The following UGT2B7 variants were observed in gnomAD, a reference collection of about 807,000 sequenced individuals.
UGT2B7 encodes the protein UDP glucuronosyltransferase family 2 member B7.
A neutral mutation model predicts 51.9 loss-of-function variants in UGT2B7; 51 were observed. The ratio of observed to expected loss-of-function variants is 0.98; its 90% CI spans 0.78 to 1.24. The LOEUF (loss-of-function observed/expected upper bound fraction) is 1.24, where lower values mean the gene tolerates loss of function less well. Among genes scored for constraint, UGT2B7 ranks in the 50% most tolerant of loss-of-function variants. UGT2B7 has a pLI of 0.00. For missense variants in UGT2B7, 727 were observed against 628.4 expected (o/e 1.16, Z -1.68); for synonymous variants, 225 against 211.6 (o/e 1.06, Z -0.55).
chr4:69,100,652 G>A (rs1719390132), intron 2 of UGT2B7, among the ~76,000 whole-genome samples: 1 of 151,996 alleles, frequency 6.6e-6, no homozygotes, highest in African/African-American at 2.4e-5. Context: ...GTCAGTAGGA[G>A]GGGGAAGAGA....
chr4:69,064,847 CAA>C (rs1718453857), intron 1 of UGT2B7, among the ~76,000 whole-genome samples: 1 of 152,092 alleles, frequency 6.6e-6, no homozygotes, highest in African/African-American at 2.4e-5. Context: ...TAAAACAGCA[CAA>C]AGAGTGTTGC....
At chr4:69,055,113 A>G (rs1302011197) in intron 1 of UGT2B7, among the ~76,000 whole-genome samples, 21 of 149,290 alleles carry the variant, frequency 1.4e-4, no homozygotes, top group Admixed American at 2.7e-4. Context: ...AAAAAAAAAA[A>G]AAAAAAAAAA....
intron 1 of UGT2B7, among the ~76,000 whole-genome samples, chr4:69,055,334 C>A (rs1718160603): frequency 6.7e-6 from 1 of 149,936 alleles, no homozygotes. Context: ...AAAAAGGATC[C>A]TGTTTGACTC....
At chr4:69,059,572 C>T (rs1718297230) in intron 1 of UGT2B7, among the ~76,000 whole-genome samples, 1 of 152,132 alleles carries the variant, frequency 6.6e-6, no homozygotes, top group Admixed American at 6.5e-5. Flanking sequence ...TACTAAAATT[C>T]CCAGAGTTTG....
At chr4:69,069,836 T>C (rs1718562992) in intron 1 of UGT2B7, 1 of 152,160 alleles carries the variant, frequency 6.6e-6, no homozygotes. Flanking sequence ...TGTCATAATA[T>C]GTTGCTTGAT....
intron 3 of UGT2B7, among the ~76,000 whole-genome samples, chr4:69,103,211 C>G (rs1719483505): frequency 6.6e-6 from 1 of 151,720 alleles, no homozygotes; most frequent in African/African-American, 2.4e-5. Context: ...GACTTCTCAC[C>G]TCCTGTCCAT....
chr4:69,059,813 G>T (rs1159362915), intron 1 of UGT2B7, among the ~76,000 whole-genome samples: 1 of 152,202 alleles, frequency 6.6e-6, no homozygotes, highest in Non-Finnish European at 1.5e-5. Context: ...TACAGAATTT[G>T]TGTGTGGAAA....
intron 1 of UGT2B7, among the ~76,000 whole-genome samples, chr4:69,068,807 G>A (rs1718537791): frequency 1.3e-5 from 2 of 151,816 alleles, no homozygotes; most frequent in Non-Finnish European, 1.5e-5. Flanking sequence ...CTTGGTAAGC[G>A]AGATACTTAT....
chr4:69,097,096 C>T lies in UGT2B7; in HGVS notation c.576C>T (p.Ser192=). Residue 192 remains serine, a synonymous_variant, in exon 1 of 6, where the codon TCC becomes TCT. Coordinates refer to ENST00000305231, the MANE Select transcript of UGT2B7 (RefSeq NM_001074.4). ...KHSGGFIFPP[S]YVPVVMSELT... The stretch of plus-strand genomic sequence containing the variant: ...GTGGAGGATTTATTTTCCCTCCTTC[C>T]TACGTACCTGTTGTTATGTCAGAAT... 1 of 1,613,736 alleles carries T rather than the reference C, an allele frequency of 6.2e-7. No individual in the cohort carries two copies. The highest frequency in any genetic ancestry group is 2.2e-5 in the East Asian group (1 of 44,850).
At chr4:69,084,412 C>A (rs1235352163) in intron 1 of UGT2B7, among the ~76,000 whole-genome samples, 4 of 128,850 alleles carry the variant, frequency 3.1e-5, no homozygotes, top group Admixed American at 2.6e-4. Context: ...GCATTTACTT[C>A]TCTTTAATGT....
upstream of UGT2B7, among the ~76,000 whole-genome samples, chr4:69,095,867 A>G (rs1442566034): frequency 1.3e-5 from 2 of 152,210 alleles, no homozygotes; most frequent in Non-Finnish European, 1.5e-5. Flanking sequence ...GTATGATTCT[A>G]TGCATTAAAA....
In UGT2B7 at chr4:69,073,026, G is replaced by A. The variant is rs116632077; in HGVS notation, c.-158-16446G>A. Among the ~76,000 whole-genome samples, 989 of 152,140 alleles carry A rather than the reference G, an allele frequency of 6.5e-3. 2 individuals are homozygous for A. The highest frequency in any genetic ancestry group is 0.012 in the Admixed American group (181 of 15,258). Reference sequence around the variant, plus strand: ...GATGAGCTTAGAGTTGGCCCACTGGGTTCTCCACCTCCCTGGTGGTCACTT... The same window carrying A: ...GATGAGCTTAGAGTTGGCCCACTGGATTCTCCACCTCCCTGGTGGTCACTT... On this transcript the variant is annotated intron_variant, in intron 1 of 5. Transcript: ENST00000502942.
intron 5 of UGT2B7, among the ~76,000 whole-genome samples, chr4:69,109,453 T>C (rs1248892614): frequency 6.6e-6 from 1 of 152,138 alleles, no homozygotes; most frequent in Non-Finnish European, 1.5e-5. Flanking sequence ...TGATCTCTCA[T>C]CCTGGTCTTG....
In UGT2B7 at chr4:69,110,574, C is replaced by A. The variant is rs114788142; in HGVS notation, c.1311-1883C>A. 3.1e-3 allele frequency among the ~76,000 whole-genome samples: 477 copies of A among 152,034 alleles called. 4 individuals carry two copies. The highest frequency in any genetic ancestry group is 0.011 in the African/African-American group (453 of 41,504). On this transcript the variant is annotated intron_variant, in intron 5 of 5. Coordinates refer to ENST00000305231, the MANE Select transcript of UGT2B7 (RefSeq NM_001074.4). ...ACATAATCTGTGCTTTATCAATCAA[C>A]AGAATACTACACAGCAATGGAATTA...
intron 1 of UGT2B7, among the ~76,000 whole-genome samples, chr4:69,081,505 T>G (rs1226934760): frequency 6.6e-6 from 1 of 152,152 alleles, no homozygotes; most frequent in Admixed American, 6.6e-5. Flanking sequence ...TAAATTAAAA[T>G]AGAAACCTGT....
At chr4:69,057,646 A>G (rs1718236456) in intron 1 of UGT2B7, among the ~76,000 whole-genome samples, 1 of 152,224 alleles carries the variant, frequency 6.6e-6, no homozygotes, top group South Asian at 2.1e-4. Flanking sequence ...TATCTGAGCA[A>G]AGTGTAGGAA....
chr4:69,077,782 C>A (rs1330387997), intron 1 of UGT2B7, among the ~76,000 whole-genome samples: 1 of 152,100 alleles, frequency 6.6e-6, no homozygotes, highest in Admixed American at 6.6e-5. Flanking sequence ...CTTTATCTTG[C>A]CAGATTTCCC....
chr4:69,066,534 A>G (rs1034130110), intron 1 of UGT2B7: 5 of 152,208 alleles, frequency 3.3e-5, no homozygotes, highest in Non-Finnish European at 5.9e-5. Flanking sequence ...TATGAGGATG[A>G]AAATGGTTCA....
chr4:69,061,102 GCACAGT>G (rs997712424), intron 1 of UGT2B7, among the ~76,000 whole-genome samples: 23 of 152,186 alleles, frequency 1.5e-4, no homozygotes, highest in Non-Finnish European at 2.6e-4. Flanking sequence ...AGCAGTAGAG[GCACAGT>G]CTTTGTCTAC....
Sources: allele counts gnomAD v4.1 joint callset (sites outside exome capture counted in the v4.1 genomes callset), GRCh38; gene constraint gnomAD v4.1.1; transcripts MANE v1.5; gene names NCBI Gene and HGNC (gene_info 2026-07-23, HGNC 2026-07-21).